PDE3A: variants seen among roughly 807,000 people sequenced by gnomAD.
The protein encoded by PDE3A is cGMP-inhibited 3',5'-cyclic phosphodiesterase 3A.
In PDE3A, 43 loss-of-function variants were observed where a neutral mutation model predicts 98.3. The observed-to-expected ratio is 0.44, with a 90% CI of 0.34 to 0.56. PDE3A has a LOEUF of 0.56. PDE3A is among the 20% of genes least tolerant of loss of function. The pLI is 0.01. For synonymous variants in PDE3A, 663 were observed against 567.9 expected (o/e 1.17, Z -2.38); for missense variants, 1,427 against 1,440.7 (o/e 0.99, Z 0.15).
chr12:20,399,742 T>C (rs1245888140), intron 1 of PDE3A, among the ~76,000 whole-genome samples: 2 of 152,212 alleles, frequency 1.3e-5, no homozygotes, highest in African/African-American at 4.8e-5. Flanking sequence ...CTAATGAAAC[T>C]ATTATCCAAG....
At chr12:20,417,938 T>C (rs1040134682) in intron 1 of PDE3A, among the ~76,000 whole-genome samples, 1 of 152,188 alleles carries the variant, frequency 6.6e-6, no homozygotes, top group Non-Finnish European at 1.5e-5. Context: ...TAATTATACA[T>C]TATTATCCTA....
chr12:20,506,657 G>A (rs960274098), intron 1 of PDE3A, among the ~76,000 whole-genome samples: 10 of 151,898 alleles, frequency 6.6e-5, no homozygotes, highest in African/African-American at 9.7e-5. Context: ...TATTTGATAC[G>A]TTAACCTGGT....
intron 1 of PDE3A, among the ~76,000 whole-genome samples, chr12:20,524,224 G>T (rs1248345360): frequency 6.6e-6 from 1 of 152,224 alleles, no homozygotes; most frequent in Non-Finnish European, 1.5e-5. Context: ...TTAGGTTTCA[G>T]TGACAAGTTT....
intron 2 of PDE3A, among the ~76,000 whole-genome samples, chr12:20,590,416 G>A (rs1325599338): frequency 6.7e-6 from 1 of 148,544 alleles, no homozygotes; most frequent in Non-Finnish European, 1.5e-5. Flanking sequence ...GGTGGCATGT[G>A]GTCAGTTTCA....
chr12:20,369,271 G>A lies in PDE3A; in HGVS notation c.-14G>A. On this transcript the variant is annotated 5_prime_UTR_variant, in exon 1 of 16. Coordinates refer to ENST00000359062, the MANE Select transcript of PDE3A (RefSeq NM_000921.5). The stretch of plus-strand genomic sequence containing the variant: ...GGGGCCACTGGGAATTCAGTGAAGA[G>A]GGCACCCTATACCATGGCAGTGCCC... The A allele has an allele frequency of 2.0e-6, 3 of 1,484,168 alleles. No individual in the cohort carries two copies. The highest frequency in any genetic ancestry group is 1.4e-5 in the African/African-American group (1 of 71,358). The allele number at this position is 1,484,168 out of a possible 1,614,324, so 91.9% of individuals were successfully genotyped here.
At position 20,475,147 on chromosome 12, in the gene PDE3A, A is replaced by G. The variant is rs546540347; in HGVS notation, c.961-81513A>G. Among the ~76,000 whole-genome samples the G allele has an allele frequency of 2.7e-5, 4 of 150,148 alleles. No homozygotes were observed. In the South Asian group the frequency reaches 8.6e-4, roughly 32 times the overall value. ...TTTTTCCTTAACATCTATCACTTAT[A>G]CCAAATGTAGGAGAGGAAAAAATGT... is the stretch of plus-strand genomic sequence containing the variant. On this transcript the variant is annotated intron_variant, in intron 1 of 15. Coordinates refer to ENST00000359062, the MANE Select transcript of PDE3A (RefSeq NM_000921.5).
chr12:20,419,738 A>AT (rs34873079), intron 1 of PDE3A, among the ~76,000 whole-genome samples: 49,691 of 131,820 alleles, frequency 0.38, 11,351 homozygotes, highest in African/African-American at 0.6. Context: ...TTAATATTGT[A>AT]TTTTTTTTTT....
chr12:20,570,799 C>A (rs995798394), intron 2 of PDE3A, among the ~76,000 whole-genome samples: 10 of 152,136 alleles, frequency 6.6e-5, no homozygotes, highest in African/African-American at 2.2e-4. Flanking sequence ...TGGAAATTTC[C>A]AAATCTAGGC....
intron 1 of PDE3A, among the ~76,000 whole-genome samples, chr12:20,406,897 A>G (rs750466913): frequency 2.0e-5 from 3 of 152,108 alleles, no homozygotes; most frequent in Non-Finnish European, 4.4e-5. Flanking sequence ...AACAGTCAAT[A>G]TTATTTTTGT....
chr12:20,536,657 C>T (rs1280784071), intron 1 of PDE3A, among the ~76,000 whole-genome samples: 1 of 152,016 alleles, frequency 6.6e-6, no homozygotes, highest in Non-Finnish European at 1.5e-5. Context: ...TTTGTAATTA[C>T]CATCTTTCAC....
chr12:20,569,437 T>C (rs1942741472), intron 2 of PDE3A, among the ~76,000 whole-genome samples: 2 of 152,168 alleles, frequency 1.3e-5, no homozygotes, highest in South Asian at 4.1e-4. Context: ...TATGTCTCTC[T>C]CTTCTTTCAT....
At chr12:20,421,078 G>A (rs1944504407) in intron 1 of PDE3A, among the ~76,000 whole-genome samples, 1 of 152,074 alleles carries the variant, frequency 6.6e-6, no homozygotes, top group African/African-American at 2.4e-5. Context: ...CACTGAAATG[G>A]TAAAACCACA....
In PDE3A at chr12:20,552,066, G is replaced by T. The variant is rs1365159904; in HGVS notation, c.961-4594G>T. Reference sequence around the variant, plus strand: ...ACCATGGGAATTTTTTCACATACACGGGTAGTGGTGGTCGAGAGCTTTCCG... The same window carrying T: ...ACCATGGGAATTTTTTCACATACACTGGTAGTGGTGGTCGAGAGCTTTCCG... On this transcript the variant is annotated intron_variant, in intron 1 of 15. Coordinates refer to ENST00000359062, the MANE Select transcript of PDE3A (RefSeq NM_000921.5). The surrounding 1 kb of genome is among the most constrained non-coding windows in gnomAD (Gnocchi z 5.1). 2 of 1,610,498 alleles carry T rather than the reference G, an allele frequency of 1.2e-6. No individual in the cohort carries two copies. Among genetic ancestry groups the T allele is most frequent in the East Asian group, 2.2e-5 (1 of 44,874 alleles).
intron 1 of PDE3A, chr12:20,551,589 G>C: frequency 6.5e-7 from 1 of 1,548,796 alleles, no homozygotes; most frequent in Non-Finnish European, 8.7e-7. Context: ...CCTGCCACCT[G>C]TGCGGGGGCC....
chr12:20,412,377 T>A (rs1482650319), intron 1 of PDE3A, among the ~76,000 whole-genome samples: 1 of 152,210 alleles, frequency 6.6e-6, no homozygotes, highest in African/African-American at 2.4e-5. Context: ...TGAAAGTGCT[T>A]TAATGTGTGA....
At chr12:20,634,852 C>G in intron 7 of PDE3A, 50 bp from the exon 8 acceptor site, 1 of 1,448,468 alleles carries the variant, frequency 6.9e-7, no homozygotes, top group Non-Finnish European at 9.7e-7. Context: ...TAAATGAGCC[C>G]CCTTTCCCCA....
At chr12:20,502,268 T>G (rs1160245255) in intron 1 of PDE3A, among the ~76,000 whole-genome samples, 1 of 152,122 alleles carries the variant, frequency 6.6e-6, no homozygotes, top group Non-Finnish European at 1.5e-5. Context: ...TCCAACTTCT[T>G]TTTATTATCT....
At chr12:20,608,691 T>A (rs1943772638) in intron 2 of PDE3A, among the ~76,000 whole-genome samples, 1 of 152,008 alleles carries the variant, frequency 6.6e-6, no homozygotes, top group Non-Finnish European at 1.5e-5. Context: ...TAAAATGTAT[T>A]ATAAAAAGAC....
chr12:20,383,260 G>A (rs374885392), intron 1 of PDE3A, among the ~76,000 whole-genome samples: 1,629 of 146,148 alleles, frequency 0.011, 13 homozygotes, highest in Middle Eastern at 0.063. Context: ...CCTATATTTT[G>A]TCTTGAAAAA....
Sources: allele counts gnomAD v4.1 joint callset (sites outside exome capture counted in the v4.1 genomes callset), GRCh38; gene constraint gnomAD v4.1.1; non-coding constraint Gnocchi (gnomAD v3.1); transcripts MANE v1.5; gene names NCBI Gene and HGNC (gene_info 2026-07-23, HGNC 2026-07-21).